The following KCNAB2 variants were observed in gnomAD, a reference collection of about 807,000 sequenced individuals.
KCNAB2 encodes the protein potassium voltage-gated channel subfamily A regulatory beta subunit 2.
KCNAB2 carries 29 observed loss-of-function variants against 63.6 expected under a neutral mutation model. The ratio of observed to expected loss-of-function variants is 0.46; its 90% CI spans 0.34 to 0.62. The LOEUF (loss-of-function observed/expected upper bound fraction) is 0.62, where lower values mean the gene tolerates loss of function less well. Among genes scored for constraint, KCNAB2 ranks in the 20% least tolerant of loss-of-function variants. The probability of loss-of-function intolerance (pLI) is 0.01; values close to 1 mark genes in which losing one functional copy is unlikely to be tolerated. For missense variants in KCNAB2, 359 were observed against 563.9 expected (o/e 0.64, Z 3.68); for synonymous variants, 222 against 224.2 (o/e 0.99, Z 0.09).
intron 1 of KCNAB2, among the ~76,000 whole-genome samples, chr1:6,019,753 A>G (rs1411688630): frequency 6.6e-6 from 1 of 152,138 alleles, no homozygotes; most frequent in East Asian, 1.9e-4. Flanking sequence ...AATTATATTC[A>G]TGGCTTAAGT....
intron 4 of KCNAB2, among the ~76,000 whole-genome samples, chr1:6,076,823 C>T (rs1178044286): frequency 6.6e-6 from 1 of 152,152 alleles, no homozygotes; most frequent in Non-Finnish European, 1.5e-5. Context: ...TGGAAGGAAC[C>T]AAAAAGTCAC....
At chr1:5,998,226 G>A (rs1657043013) in intron 1 of KCNAB2, among the ~76,000 whole-genome samples, 1 of 152,246 alleles carries the variant, frequency 6.6e-6, no homozygotes, top group South Asian at 2.1e-4. Flanking sequence ...CTAGGGGAGG[G>A]CATCAGGGCC....
rs550861688 is a variant in KCNAB2, at chr1:6,069,260, G to A, written c.219-3495G>A. On this transcript the variant is annotated intron_variant, in intron 2 of 15. Transcript: ENST00000378083. This position sits in a 1 kb window ranked among gnomAD's most constrained non-coding sequence, Gnocchi z 5.4. Reference sequence around the variant, plus strand: ...CCGCAACCAGCTAGCCAAGGCCACGGTGCTTGCCCTTCACCTGATCACAGT... The same window carrying A: ...CCGCAACCAGCTAGCCAAGGCCACGATGCTTGCCCTTCACCTGATCACAGT... 2.0e-5 allele frequency among the ~76,000 whole-genome samples: 3 copies of A among 152,338 alleles called. No homozygotes were observed. Among genetic ancestry groups the A allele is most frequent in the African/African-American group, 7.2e-5 (3 of 41,574 alleles).
chr1:6,035,230 G>T lies in KCNAB2; in HGVS notation c.-53+436G>T, dbSNP rs1261660048. Among the ~76,000 whole-genome samples, 1 of 152,154 alleles carries T rather than the reference G, an allele frequency of 6.6e-6. No individual in the cohort carries two copies. The highest frequency in any genetic ancestry group is 2.4e-5 in the African/African-American group (1 of 41,408). On this transcript the variant is annotated intron_variant, in intron 1 of 15. Transcript: ENST00000164247. The surrounding 1 kb of genome is among the most constrained non-coding windows in gnomAD (Gnocchi z 5.0). ...CCCCCAGGGAGCCAGTGTGGCAGGG[G>T]CCAGTGTGTGAGGGGCTCAGCGGGG... is the stretch of plus-strand genomic sequence containing the variant.
At chr1:6,050,953 A>G (rs1460519948) in intron 1 of KCNAB2, among the ~76,000 whole-genome samples, 1 of 152,236 alleles carries the variant, frequency 6.6e-6, no homozygotes, top group Non-Finnish European at 1.5e-5. Flanking sequence ...AGCAAATAGG[A>G]CCTTCCCATG....
At chr1:6,034,242 G>A (rs1461977138), upstream of KCNAB2, 1 of 152,368 alleles carries the variant, frequency 6.6e-6, no homozygotes, top group African/African-American at 2.4e-5. Flanking sequence ...CGACAAGGTG[G>A]ACTCTGGGCC....
chr1:6,067,041 G>T (rs1310642599), intron 2 of KCNAB2, among the ~76,000 whole-genome samples: 1 of 152,214 alleles, frequency 6.6e-6, no homozygotes, highest in Non-Finnish European at 1.5e-5. Flanking sequence ...ATGTGCCCAG[G>T]ATGGAAAAGG....
intron 1 of KCNAB2, among the ~76,000 whole-genome samples, chr1:6,013,320 A>G (rs1343207614): frequency 6.6e-6 from 1 of 152,030 alleles, no homozygotes; most frequent in East Asian, 1.9e-4. Flanking sequence ...CGCTTGGCAG[A>G]AGACACACTT....
intron 1 of KCNAB2, among the ~76,000 whole-genome samples, chr1:5,999,951 G>A (rs1445033749): frequency 1.4e-5 from 2 of 147,678 alleles, no homozygotes; most frequent in African/African-American, 5.1e-5. Flanking sequence ...CCCTGTCTGT[G>A]CCCCGTCCGC....
upstream of KCNAB2, among the ~76,000 whole-genome samples, chr1:6,033,545 G>A (rs1659805489): frequency 1.3e-5 from 2 of 152,294 alleles, no homozygotes; most frequent in Non-Finnish European, 1.5e-5. Context: ...AGAGGAGCGG[G>A]AATGCATACA....
intron 1 of KCNAB2, among the ~76,000 whole-genome samples, chr1:6,001,342 C>G (rs1013837233): frequency 3.3e-5 from 5 of 152,054 alleles, no homozygotes; most frequent in African/African-American, 1.2e-4. Context: ...TCTCCCAACA[C>G]ACACACAGAC....
At chr1:6,093,716 G>A (rs944500750) in intron 10 of KCNAB2, among the ~76,000 whole-genome samples, 2 of 152,248 alleles carry the variant, frequency 1.3e-5, no homozygotes, top group Admixed American at 1.3e-4. Flanking sequence ...GGGACAGGCG[G>A]GTTGGGACTC....
At chr1:5,998,911 C>T (rs1282018297) in intron 1 of KCNAB2, among the ~76,000 whole-genome samples, 2 of 152,210 alleles carry the variant, frequency 1.3e-5, no homozygotes, top group Non-Finnish European at 2.9e-5. Context: ...CCCTGGTGAC[C>T]TTTGGACTTT....
At chr1:6,037,628 T>A (rs1337648601) in intron 1 of KCNAB2, among the ~76,000 whole-genome samples, 1 of 152,234 alleles carries the variant, frequency 6.6e-6, no homozygotes, top group Non-Finnish European at 1.5e-5. Context: ...AAGCACAGCA[T>A]CTTTAGGAGT....
chr1:6,002,632 G>C (rs1657321127), intron 1 of KCNAB2, among the ~76,000 whole-genome samples: 1 of 152,154 alleles, frequency 6.6e-6, no homozygotes, highest in Non-Finnish European at 1.5e-5. Flanking sequence ...TAAATCCTTT[G>C]AACTGCAGAA....
At chr1:5,995,058 G>A (rs372584459) in intron 1 of KCNAB2, among the ~76,000 whole-genome samples, 4 of 152,180 alleles carry the variant, frequency 2.6e-5, no homozygotes, top group Non-Finnish European at 4.4e-5. Flanking sequence ...GTATGTGTCT[G>A]GTCCTCGGCT....
chr1:6,009,025 G>A (rs1221194676), intron 1 of KCNAB2, among the ~76,000 whole-genome samples: 3 of 152,206 alleles, frequency 2.0e-5, no homozygotes, highest in African/African-American at 7.2e-5. Context: ...GTGCCCCTGG[G>A]TGCACTGCAC....
At chr1:6,048,482 T>C (rs1308342302) in intron 1 of KCNAB2, among the ~76,000 whole-genome samples, 1 of 152,190 alleles carries the variant, frequency 6.6e-6, no homozygotes, top group Non-Finnish European at 1.5e-5. Flanking sequence ...GGCCACACCA[T>C]GAGCAGGTGA....
At chr1:6,023,224 A>G (rs1658948446) in intron 1 of KCNAB2, among the ~76,000 whole-genome samples, 1 of 152,078 alleles carries the variant, frequency 6.6e-6, no homozygotes, top group African/African-American at 2.4e-5. Flanking sequence ...GGTTGTTTCC[A>G]TGTTTTAGCT....
Sources: gnomAD v4.1 joint callset for allele counts (sites outside exome capture counted in the v4.1 genomes callset) on GRCh38, gnomAD v4.1.1 for gene constraint, Gnocchi (gnomAD v3.1) non-coding constraint, MANE v1.5 for transcripts, NCBI Gene and HGNC (gene_info 2026-07-23, HGNC 2026-07-21) for gene names.